The following PPM1B variants were observed in gnomAD, a reference collection of about 807,000 sequenced individuals.
PPM1B encodes protein phosphatase, Mg2+/Mn2+ dependent 1B.
A neutral mutation model predicts 43.0 loss-of-function variants in PPM1B; 22 were observed. The observed-to-expected ratio is 0.51, with a 90% CI of 0.37 to 0.73. PPM1B has a LOEUF of 0.73. Ranked by LOEUF, PPM1B falls within the 30% of genes least tolerant of loss-of-function variation. The pLI, the probability that PPM1B is intolerant of heterozygous loss-of-function variation, is 0.00. For synonymous variants in PPM1B, 217 were observed against 197.9 expected (o/e 1.10, Z -0.81); for missense variants, 632 against 584.2 (o/e 1.08, Z -0.84).
intron 5 of PPM1B, among the ~76,000 whole-genome samples, chr2:44,221,322 G>C (rs576879765): frequency 6.6e-6 from 1 of 152,240 alleles, no homozygotes; most frequent in East Asian, 1.9e-4. Context: ...GAAAAATGTT[G>C]AACTATAATT....
chr2:44,214,022 C>G (rs986036027), intron 3 of PPM1B, among the ~76,000 whole-genome samples: 7 of 152,160 alleles, frequency 4.6e-5, no homozygotes, highest in Admixed American at 6.5e-5. Context: ...ATCCAACTTG[C>G]TTAACCCCTC....
intron 2 of PPM1B, among the ~76,000 whole-genome samples, chr2:44,205,410 CTG>C (rs1320413969): frequency 4.0e-5 from 5 of 125,232 alleles, no homozygotes; most frequent in African/African-American, 1.7e-4. Context: ...TTTTCATGGT[CTG>C]AGAAATTTTT....
intron 1 of PPM1B, among the ~76,000 whole-genome samples, chr2:44,192,284 C>G (rs1251839335): frequency 6.6e-6 from 1 of 151,984 alleles, no homozygotes; most frequent in Non-Finnish European, 1.5e-5. Flanking sequence ...GTGGCACGAT[C>G]TCGGCTCACT....
chr2:44,244,187 C>CATATAT (rs111878311), intron 5 of PPM1B: 1 of 916,546 alleles, frequency 1.1e-6, no homozygotes, highest in South Asian at 3.0e-5. Flanking sequence ...AAAAAAAAAC[C>CATATAT]ATATATATAT....
chr2:44,172,389 A>G (rs1667389067), intron 1 of PPM1B, among the ~76,000 whole-genome samples: 1 of 152,192 alleles, frequency 6.6e-6, no homozygotes, highest in African/African-American at 2.4e-5. Flanking sequence ...TTTGGGAACT[A>G]TTTAATTTTT....
At chr2:44,205,296 C>T (rs1669124925) in intron 2 of PPM1B, among the ~76,000 whole-genome samples, 1 of 145,524 alleles carries the variant, frequency 6.9e-6, no homozygotes, top group South Asian at 2.2e-4. Flanking sequence ...TTTTTGTTAA[C>T]AATATTTCCC....
chr2:44,239,928 T>C (rs896533637), intron 5 of PPM1B, among the ~76,000 whole-genome samples: 3 of 151,020 alleles, frequency 2.0e-5, no homozygotes, highest in South Asian at 2.1e-4. Context: ...TGTGGAAATA[T>C]CACATCATTT....
chr2:44,194,785 T>C (rs1668579677), intron 1 of PPM1B, among the ~76,000 whole-genome samples: 1 of 152,166 alleles, frequency 6.6e-6, no homozygotes. Flanking sequence ...ATTTATAGTT[T>C]ATATCACTGG....
rs2104221286 is a variant in PPM1B at position 44,218,040 on chromosome 2, T to C, written c.1038T>C (p.Asn346=). ...TCATGCGCATCTTGTCTGCAGAAAA[T>C]ATCCCAAATTTGCCTCCTGGGGGAG... is the stretch of plus-strand genomic sequence containing the variant. The part of the protein sequence containing the change: ...AHVMRILSAE[N]IPNLPPGGGL... The change falls in exon 4 of 6, where the codon AAT becomes AAC. Residue 346 remains asparagine, a synonymous_variant. Transcript: ENST00000282412. 1 of 1,613,102 alleles carries C rather than the reference T, an allele frequency of 6.2e-7. No individual in the cohort carries two copies. The highest frequency in any genetic ancestry group is 1.3e-5 in the African/African-American group (1 of 74,958).
At chr2:44,244,245 G>A (rs750997940) in exon 6 of PPM1B, 4 of 1,338,326 alleles carry the variant, frequency 3.0e-6, no homozygotes, top group African/African-American at 1.5e-5. Flanking sequence ...TCTTGGGCAC[G>A]TCCATCTGTA....
At chr2:44,183,977 A>G (rs1668008070) in intron 1 of PPM1B, among the ~76,000 whole-genome samples, 1 of 152,078 alleles carries the variant, frequency 6.6e-6, no homozygotes, top group African/African-American at 2.4e-5. Context: ...TGACCTCGTG[A>G]TCCGCCCGCC....
chr2:44,228,317 A>G (rs1165533015), intron 5 of PPM1B, among the ~76,000 whole-genome samples: 2 of 149,972 alleles, frequency 1.3e-5, no homozygotes, highest in Non-Finnish European at 3.0e-5. Flanking sequence ...TTCCCCAAGT[A>G]GTTGGGACTA....
At chr2:44,197,097 C>G (rs1233596005) in intron 1 of PPM1B, among the ~76,000 whole-genome samples, 1 of 152,116 alleles carries the variant, frequency 6.6e-6, no homozygotes, top group Non-Finnish European at 1.5e-5. Context: ...CCCATCTACC[C>G]CCTACCCAGT....
At chr2:44,195,897 A>G (rs1668639750) in intron 1 of PPM1B, among the ~76,000 whole-genome samples, 1 of 152,268 alleles carries the variant, frequency 6.6e-6, no homozygotes. Flanking sequence ...AAATCCTCAA[A>G]CTGGAGAGGC....
chr2:44,199,288 C>T (rs181081982), intron 1 of PPM1B, among the ~76,000 whole-genome samples: 107 of 117,714 alleles, frequency 9.1e-4, no homozygotes, highest in African/African-American at 3.4e-3. Flanking sequence ...TGTGGTGGCA[C>T]GTGCCTGTAG....
chr2:44,190,360 T>C (rs1178298913), intron 1 of PPM1B, among the ~76,000 whole-genome samples: 6 of 152,118 alleles, frequency 3.9e-5, no homozygotes, highest in Non-Finnish European at 7.4e-5. Context: ...AGTTTCACCA[T>C]GTTGGCCAGG....
chr2:44,181,131 G>T (rs1331360768), intron 1 of PPM1B, among the ~76,000 whole-genome samples: 1 of 152,132 alleles, frequency 6.6e-6, no homozygotes, highest in East Asian at 1.9e-4. Flanking sequence ...TGTTTGTATA[G>T]ACAGAGTCTC....
At chr2:44,175,125 G>A (rs1424591932) in intron 1 of PPM1B, among the ~76,000 whole-genome samples, 1 of 152,166 alleles carries the variant, frequency 6.6e-6, no homozygotes, top group Admixed American at 6.5e-5. Flanking sequence ...GTGGCGGCAT[G>A]TGCCTGTAAT....
intron 5 of PPM1B, chr2:44,229,879 T>A: frequency 2.1e-6 from 2 of 966,524 alleles, no homozygotes; most frequent in Non-Finnish European, 3.0e-6. Context: ...GAGATGTTTT[T>A]ATCAAAATAA....
Sources: allele counts gnomAD v4.1 joint callset (sites outside exome capture counted in the v4.1 genomes callset), GRCh38; gene constraint gnomAD v4.1.1; transcripts MANE v1.5; gene names NCBI Gene and HGNC (gene_info 2026-07-23, HGNC 2026-07-21).